The following CADM2 variants were observed in gnomAD, a reference collection of about 807,000 sequenced individuals.
The protein encoded by CADM2 is immunoglobulin superfamily member 4D.
Under a neutral mutation model 49.8 loss-of-function variants are expected in CADM2, and 12 were observed. The ratio of observed to expected loss-of-function variants is 0.24; its 90% confidence interval spans 0.15 to 0.39. The LOEUF (loss-of-function observed/expected upper bound fraction) is 0.39. Ranked by LOEUF, CADM2 falls within the 10% of genes least tolerant of loss-of-function variation. CADM2 has a pLI of 1.00. For synonymous variants in CADM2, 214 were observed against 175.4 expected (o/e 1.22, Z -1.74); for missense variants, 378 against 492.3 (o/e 0.77, Z 2.20).
chr3:85,249,074 A>G (rs1376937268), intron 1 of CADM2, among the ~76,000 whole-genome samples: 1 of 152,148 alleles, frequency 6.6e-6, no homozygotes, highest in Non-Finnish European at 1.5e-5. Flanking sequence ...ACTACTTGAT[A>G]TAATTGAATA....
intron 7 of CADM2, among the ~76,000 whole-genome samples, chr3:85,937,967 T>A (rs1277772041): frequency 6.6e-6 from 1 of 152,038 alleles, no homozygotes; most frequent in African/African-American, 2.4e-5. Flanking sequence ...ATGTATTAAC[T>A]GATTTCTTGT....
At chr3:85,473,742 A>G (rs2038863688) in intron 1 of CADM2, among the ~76,000 whole-genome samples, 1 of 152,082 alleles carries the variant, frequency 6.6e-6, no homozygotes, top group African/African-American at 2.4e-5. Context: ...TTTTATATTC[A>G]AAAGAATATT....
At chr3:85,866,945 A>G (rs1276989791) in intron 3 of CADM2, among the ~76,000 whole-genome samples, 1 of 152,150 alleles carries the variant, frequency 6.6e-6, no homozygotes, top group Non-Finnish European at 1.5e-5. Context: ...AAGTGTGTGC[A>G]ATTTTTTAAC....
chr3:85,855,583 AAC>A (rs1257501771), intron 3 of CADM2, among the ~76,000 whole-genome samples: 5 of 121,114 alleles, frequency 4.1e-5, no homozygotes, highest in African/African-American at 1.7e-4. Context: ...ATATATAAAA[AAC>A]ATATATATAT....
chr3:85,599,404 C>G (rs1300948096), intron 1 of CADM2, among the ~76,000 whole-genome samples: 53 of 152,050 alleles, frequency 3.5e-4, no homozygotes, highest in East Asian at 3.9e-4. Context: ...CCTATCATTT[C>G]ACATAGTGTT....
At chr3:85,400,640 C>G (rs1251812078) in intron 1 of CADM2, among the ~76,000 whole-genome samples, 1 of 152,058 alleles carries the variant, frequency 6.6e-6, no homozygotes, top group Non-Finnish European at 1.5e-5. Context: ...TGTTATTGGT[C>G]TATTTAGGGA....
chr3:85,789,895 A>C (rs1441142221), intron 2 of CADM2, among the ~76,000 whole-genome samples: 13 of 152,168 alleles, frequency 8.5e-5, no homozygotes, highest in Middle Eastern at 3.2e-3. Flanking sequence ...GAAAGAATTG[A>C]CTTTGTACAC....
intron 1 of CADM2, among the ~76,000 whole-genome samples, chr3:85,247,420 G>T (rs1217898264): frequency 6.6e-6 from 1 of 152,116 alleles, no homozygotes; most frequent in East Asian, 1.9e-4. Flanking sequence ...TTTTAACTAA[G>T]AGAAGCACAC....
intron 1 of CADM2, among the ~76,000 whole-genome samples, chr3:85,197,658 T>C (rs2041376309): frequency 6.6e-6 from 1 of 151,978 alleles, no homozygotes; most frequent in South Asian, 2.1e-4. Flanking sequence ...GTTTAGGGAC[T>C]CTTCCATTTG....
chr3:84,961,225 C>T (rs1418524623), intron 1 of CADM2, among the ~76,000 whole-genome samples: 2 of 152,164 alleles, frequency 1.3e-5, no homozygotes, highest in African/African-American at 4.8e-5. Context: ...TGCATCCTCT[C>T]TCCTGCCCTC....
At chr3:85,462,984 C>G (rs190023264) in intron 1 of CADM2, among the ~76,000 whole-genome samples, 2 of 152,216 alleles carry the variant, frequency 1.3e-5, no homozygotes, top group East Asian at 1.9e-4. Context: ...TTCATGCCTT[C>G]GTTTCCTCAT....
At chr3:85,551,230 C>G (rs1208733605) in intron 1 of CADM2, among the ~76,000 whole-genome samples, 1 of 152,144 alleles carries the variant, frequency 6.6e-6, no homozygotes, top group Non-Finnish European at 1.5e-5. Context: ...GATCCTCCAA[C>G]CTCAGCCTCC....
chr3:85,417,251 T>C (rs1173699637), intron 1 of CADM2, among the ~76,000 whole-genome samples: 1 of 152,200 alleles, frequency 6.6e-6, no homozygotes, highest in Non-Finnish European at 1.5e-5. Flanking sequence ...TTTGGAAATT[T>C]ACTAAATTTA....
chr3:85,779,237 A>G (rs1223261124), intron 2 of CADM2, among the ~76,000 whole-genome samples: 1 of 152,040 alleles, frequency 6.6e-6, no homozygotes, highest in Admixed American at 6.6e-5. Context: ...TGCAGTCAGT[A>G]GTCAATAAAA....
chr3:85,693,489 A>AGAATGGCGT (rs2066450644), intron 1 of CADM2, among the ~76,000 whole-genome samples: 1 of 150,912 alleles, frequency 6.6e-6, no homozygotes, highest in Admixed American at 6.6e-5. Context: ...CTGAGGCAGA[A>AGAATGGCGT]GAATGGCGTG....
chr3:85,086,973 C>T (rs1032859812), intron 1 of CADM2, among the ~76,000 whole-genome samples: 5 of 151,982 alleles, frequency 3.3e-5, no homozygotes, highest in Non-Finnish European at 7.4e-5. Flanking sequence ...CACAGGAGTG[C>T]AAAATGTTGG....
Position 85,836,381 on chromosome 3 carries a change from C to A in CADM2, c.238+34185C>A, listed in dbSNP as rs376120337. 5.9e-5 allele frequency among the ~76,000 whole-genome samples: 9 copies of A among 151,658 alleles called. No homozygotes were observed. In the South Asian group the frequency reaches 1.9e-3, roughly 31 times the overall value. On this transcript the variant is annotated intron_variant, in intron 3 of 9. Transcript: ENST00000383699. ...TCACATATGGCTTCAGGTTTTGATTCTTTCTATCTTCTACTGACTGCTAAC... is the reference window on the plus strand; with the variant it reads ...TCACATATGGCTTCAGGTTTTGATTATTTCTATCTTCTACTGACTGCTAAC...
At chr3:85,491,239 T>C (rs1053542759) in intron 1 of CADM2, among the ~76,000 whole-genome samples, 30 of 152,326 alleles carry the variant, frequency 2.0e-4, no homozygotes, top group African/African-American at 6.5e-4. Context: ...GTATAGAATA[T>C]GGACTAATCA....
intron 1 of CADM2, among the ~76,000 whole-genome samples, chr3:84,998,690 T>C (rs2107205272): frequency 6.6e-6 from 1 of 152,200 alleles, no homozygotes. Flanking sequence ...GGTAAGAGCC[T>C]TATAAAAAGG....
Sources: gnomAD v4.1 joint callset for allele counts (sites outside exome capture counted in the v4.1 genomes callset) on GRCh38, gnomAD v4.1.1 for gene constraint, MANE v1.5 for transcripts, NCBI Gene and HGNC (gene_info 2026-07-23, HGNC 2026-07-21) for gene names.